Variants in GPC5 observed in about 807,000 individuals in gnomAD.
The protein encoded by GPC5 is glypican-5.
GPC5 carries 47 observed loss-of-function variants against 53.9 expected under a neutral mutation model. That is an observed-to-expected ratio of 0.87 (90% CI 0.69 to 1.11). The LOEUF is 1.11. GPC5 is among the 50% of genes most tolerant of loss of function. The pLI is 0.00. For missense variants in GPC5, 748 were observed against 713.1 expected, an observed-to-expected ratio of 1.05 and a Z score of -0.56; for synonymous variants, 286 against 263.3, an observed-to-expected ratio of 1.09 and a Z score of -0.84.
intron 7 of GPC5, among the ~76,000 whole-genome samples, chr13:92,293,368 A>G (rs1461925695): frequency 1.4e-5 from 2 of 138,588 alleles, no homozygotes; most frequent in Non-Finnish European, 3.1e-5. Context: ...TTTTCCTTGT[A>G]GAGGTCTTTC....
intron 7 of GPC5, among the ~76,000 whole-genome samples, chr13:92,663,652 C>CTA (rs533228405): frequency 9.6e-5 from 13 of 134,816 alleles, no homozygotes; most frequent in Middle Eastern, 3.8e-3. Context: ...TATATATATA[C>CTA]TATATATATA....
chr13:91,940,659 G>T (rs998018569), intron 6 of GPC5, among the ~76,000 whole-genome samples: 1 of 151,932 alleles, frequency 6.6e-6, no homozygotes, highest in African/African-American at 2.4e-5. Flanking sequence ...AGAATCTGTT[G>T]TTATTTGACT....
intron 2 of GPC5, among the ~76,000 whole-genome samples, chr13:91,583,606 G>T (rs199733075): frequency 0.054 from 8,253 of 151,890 alleles, 236 homozygotes; most frequent in South Asian, 0.076. Context: ...TTTTGTCAAG[G>T]TTTTTTTTGT....
intron 7 of GPC5, among the ~76,000 whole-genome samples, chr13:92,190,527 A>G (rs1019433921): frequency 6.6e-6 from 1 of 152,154 alleles, no homozygotes; most frequent in Non-Finnish European, 1.5e-5. Flanking sequence ...ATATATGCAT[A>G]TGTATGCTTA....
chr13:91,804,601 G>A (rs1394141930), intron 5 of GPC5, among the ~76,000 whole-genome samples: 1 of 152,212 alleles, frequency 6.6e-6, no homozygotes, highest in Non-Finnish European at 1.5e-5. Context: ...GAGAGAGGGA[G>A]AGAGAGATGA....
intron 7 of GPC5, among the ~76,000 whole-genome samples, chr13:92,170,984 A>C (rs1353196902): frequency 2.0e-5 from 3 of 152,170 alleles, no homozygotes; most frequent in Non-Finnish European, 2.9e-5. Context: ...TAAGTCCCCC[A>C]GTCAGTTATC....
intron 5 of GPC5, among the ~76,000 whole-genome samples, chr13:91,826,188 G>A (rs57485792): frequency 6.7e-6 from 1 of 149,962 alleles, no homozygotes; most frequent in African/African-American, 2.5e-5. Context: ...TTAAATAAAT[G>A]ATGAGATGTC....
intron 3 of GPC5, among the ~76,000 whole-genome samples, chr13:91,695,473 A>T (rs1332552279): frequency 1.3e-5 from 2 of 152,094 alleles, no homozygotes; most frequent in Admixed American, 6.6e-5. Context: ...TTCCGGGTTC[A>T]TGCCATTCTC....
chr13:91,927,517 C>T (rs946845118), intron 6 of GPC5, among the ~76,000 whole-genome samples: 1 of 151,966 alleles, frequency 6.6e-6, no homozygotes, highest in Non-Finnish European at 1.5e-5. Context: ...CAAGAGAGAA[C>T]TATTGTATAA....
At chr13:91,769,543 GAA>G (rs1431062915) in intron 5 of GPC5, among the ~76,000 whole-genome samples, 2 of 152,126 alleles carry the variant, frequency 1.3e-5, no homozygotes, top group African/African-American at 2.4e-5. Context: ...TGAATATGTG[GAA>G]AGATCTGAAT....
At chr13:91,754,056 A>G (rs1402571437) in intron 4 of GPC5, among the ~76,000 whole-genome samples, 1 of 152,192 alleles carries the variant, frequency 6.6e-6, no homozygotes, top group Non-Finnish European at 1.5e-5. Flanking sequence ...CTTCTAGGTT[A>G]AATCCTTTCA....
chr13:92,866,484 T>TTC lies in GPC5; in HGVS notation c.*53_*54dup. 1 of 1,465,840 alleles carries TTC rather than the reference T, an allele frequency of 6.8e-7. No homozygotes were observed. Among genetic ancestry groups the TTC allele is most frequent in the Non-Finnish European group, 9.2e-7 (1 of 1,083,142 alleles). 90.8% of individuals were successfully genotyped at this position (1,465,840 alleles called of 1,614,324 possible). The stretch of plus-strand genomic sequence containing the variant: ...CATACCTTACTGAAGTCTCGATTTC[T>TTC]TCTCTCTCTGCATATGCCTGGAATA... On this transcript the variant is annotated 3_prime_UTR_variant, in exon 8 of 8. Transcript: ENST00000377067.
intron 7 of GPC5, among the ~76,000 whole-genome samples, chr13:92,346,576 A>G (rs1356202674): frequency 6.6e-6 from 1 of 152,180 alleles, no homozygotes; most frequent in Non-Finnish European, 1.5e-5. Context: ...GCCAAATAAC[A>G]CTTAAAAAGA....
Position 91,756,346 on chromosome 13 carries a change from T to C in GPC5, c.1206T>C (p.Ala402=), listed in dbSNP as rs1009196812. The part of the protein sequence containing the change: ...RLYRSFYGGL[A]DQLCANELAA... ...ACAGGTCATTCTATGGAGGTCTAGC[T>C]GATCAGCTTTGTGCTAATGAATTAG... The change falls in exon 5 of 8, where the codon GCT becomes GCC. Residue 402 remains alanine, a synonymous_variant. Transcript: ENST00000377067. The C allele has an allele frequency of 6.3e-7, 1 of 1,595,664 alleles. No homozygotes were observed. The highest frequency in any genetic ancestry group is 1.1e-5 in the South Asian group (1 of 89,198).
intron 7 of GPC5, among the ~76,000 whole-genome samples, chr13:92,795,054 C>CA (rs1566422045): frequency 6.6e-6 from 1 of 151,904 alleles, no homozygotes; most frequent in African/African-American, 2.4e-5. Flanking sequence ...CATATGGAAC[C>CA]AAAAAAGAGC....
intron 5 of GPC5, among the ~76,000 whole-genome samples, chr13:91,770,750 A>G (rs950986052): frequency 1.3e-4 from 15 of 119,088 alleles, no homozygotes; most frequent in Admixed American, 3.3e-4. Context: ...ATGCATATGC[A>G]TATTTCTTAT....
intron 7 of GPC5, among the ~76,000 whole-genome samples, chr13:92,418,598 A>G (rs1876423727): frequency 6.6e-6 from 1 of 152,154 alleles, no homozygotes; most frequent in Non-Finnish European, 1.5e-5. Flanking sequence ...AATATATGTA[A>G]GGTTATAATA....
At chr13:92,026,996 A>G (rs1012140771) in intron 6 of GPC5, among the ~76,000 whole-genome samples, 2 of 152,186 alleles carry the variant, frequency 1.3e-5, no homozygotes, top group Non-Finnish European at 2.9e-5. Flanking sequence ...ATAGCCTGCC[A>G]CTATCTTCAC....
chr13:92,766,217 T>C (rs1875398073), intron 7 of GPC5, among the ~76,000 whole-genome samples: 1 of 152,188 alleles, frequency 6.6e-6, no homozygotes, highest in African/African-American at 2.4e-5. Context: ...TCTGCTTTTT[T>C]CCTCTTTATG....
Sources: gnomAD v4.1 joint callset for allele counts (sites outside exome capture counted in the v4.1 genomes callset) on GRCh38, gnomAD v4.1.1 for gene constraint, MANE v1.5 for transcripts, NCBI Gene and HGNC (gene_info 2026-07-23, HGNC 2026-07-21) for gene names.